The following KPNA5 variants were observed in gnomAD, a reference collection of about 807,000 sequenced individuals.
The protein encoded by KPNA5 is karyopherin subunit alpha 5.
In KPNA5, 46 loss-of-function variants were observed where a neutral mutation model predicts 71.3. The ratio of observed to expected loss-of-function variants is 0.65; its 90% CI spans 0.51 to 0.83. KPNA5 has a LOEUF of 0.83. KPNA5 is among the 40% of genes least tolerant of loss of function. The pLI, the probability that KPNA5 is intolerant of heterozygous loss-of-function variation, is 0.00. For synonymous variants in KPNA5, 207 were observed against 201.4 expected, an observed-to-expected ratio of 1.03 and a Z score of -0.24; for missense variants, 547 against 628.3, an observed-to-expected ratio of 0.87 and a Z score of 1.38.
chr6:116,705,868 A>T (rs1176397293), intron 7 of KPNA5, among the ~76,000 whole-genome samples: 2 of 152,216 alleles, frequency 1.3e-5, no homozygotes, highest in African/African-American at 4.8e-5. Flanking sequence ...GAATAGGAAG[A>T]ATACATTTCT....
In KPNA5 at chr6:116,739,337, T is replaced by A. The variant is rs963112642; in HGVS notation, c.*7014T>A. ...AGGAGAACTACAAACCACTGCTCAA[T>A]GAAATAAAAGAGGATACAAAGAAAT... On this transcript the variant is annotated 3_prime_UTR_variant, in exon 14 of 14. Coordinates refer to ENST00000368564, the MANE Select transcript of KPNA5 (RefSeq NM_001366306.2). 8 of 151,770 alleles carry A rather than the reference T, an allele frequency of 5.3e-5. No homozygotes were observed. The highest frequency in any genetic ancestry group is 1.9e-4 in the African/African-American group (8 of 41,296). 9.4% of individuals were successfully genotyped at this position (151,770 alleles called of 1,614,324 possible). A position where few individuals can be genotyped will look rare whatever the true frequency, so the allele number is the denominator to read the frequency against.
intron 4 of KPNA5, among the ~76,000 whole-genome samples, chr6:116,697,380 T>C (rs1455092609): frequency 6.6e-6 from 1 of 152,066 alleles, no homozygotes. Flanking sequence ...TGCAGAAATT[T>C]TCTAAATTTT....
intron 9 of KPNA5, 87 bp downstream of exon 9, chr6:116,722,376 G>A (rs1361605829): frequency 9.5e-7 from 1 of 1,056,322 alleles, no homozygotes; most frequent in Non-Finnish European, 1.3e-6. Flanking sequence ...TATCTCAAGA[G>A]TCACTGTCTT....
At chr6:116,704,060 CAG>C (rs887922126) in intron 6 of KPNA5, among the ~76,000 whole-genome samples, 29 of 150,190 alleles carry the variant, frequency 1.9e-4, no homozygotes, top group Non-Finnish European at 3.1e-4. Flanking sequence ...TTTTTTGAGA[CAG>C]AGTCTTGCTG....
chr6:116,741,314 T>C lies in KPNA5; in HGVS notation c.*8991T>C, dbSNP rs1456949952. 6.6e-6 allele frequency: 1 copy of C among 152,008 alleles called. No individual in the cohort carries two copies. Among genetic ancestry groups the C allele is most frequent in the Non-Finnish European group, 1.5e-5 (1 of 68,000 alleles). 9.4% of individuals were successfully genotyped at this position (152,008 alleles called of 1,614,324 possible). A position where few individuals can be genotyped will look rare whatever the true frequency, so the allele number is the denominator to read the frequency against. ...TCTGACGATTTTTTTGTGTTTTATATGTTTTTTACATTATTTTGTGCATAG... is the reference window on the plus strand; with the variant it reads ...TCTGACGATTTTTTTGTGTTTTATACGTTTTTTACATTATTTTGTGCATAG... On this transcript the variant is annotated 3_prime_UTR_variant, in exon 14 of 14. Transcript: ENST00000368564.
chr6:116,686,144 A>G (rs1299339791), intron 1 of KPNA5, among the ~76,000 whole-genome samples: 1 of 151,948 alleles, frequency 6.6e-6, no homozygotes, highest in Non-Finnish European at 1.5e-5. Flanking sequence ...AGCTCAAGCA[A>G]TCCTCCTGGC....
At chr6:116,720,564 A>G (rs1370699838) in intron 8 of KPNA5, among the ~76,000 whole-genome samples, 2 of 152,136 alleles carry the variant, frequency 1.3e-5, no homozygotes, top group African/African-American at 4.8e-5. Flanking sequence ...CAAAAACCCG[A>G]TATTTGGCTG....
At chr6:116,685,222 A>G (rs1300403581) in intron 1 of KPNA5, among the ~76,000 whole-genome samples, 3 of 152,180 alleles carry the variant, frequency 2.0e-5, no homozygotes, top group East Asian at 1.9e-4. Context: ...GATGCCAACA[A>G]TGTGGACGAC....
chr6:116,712,189 C>T (rs1022558461), intron 7 of KPNA5, among the ~76,000 whole-genome samples: 3 of 152,184 alleles, frequency 2.0e-5, no homozygotes, highest in Admixed American at 6.5e-5. Context: ...GATCTACCCA[C>T]CTTAGCCTCC....
chr6:116,695,170 C>T (rs1777976048), intron 4 of KPNA5, among the ~76,000 whole-genome samples: 1 of 152,022 alleles, frequency 6.6e-6, no homozygotes, highest in Non-Finnish European at 1.5e-5. Context: ...CTCAAACTCT[C>T]CTCCCACGTT....
In KPNA5 at chr6:116,734,084, T is replaced by C. The variant is rs1339176642; in HGVS notation, c.*1761T>C. The C allele has an allele frequency of 6.6e-6, 1 of 151,612 alleles. No individual in the cohort carries two copies. The highest frequency in any genetic ancestry group is 2.4e-5 in the African/African-American group (1 of 41,372). The allele number at this position is 151,612 out of a possible 1,614,324, so 9.4% of individuals were successfully genotyped here. On this transcript the variant is annotated 3_prime_UTR_variant, in exon 14 of 14. Coordinates refer to ENST00000368564, the MANE Select transcript of KPNA5 (RefSeq NM_001366306.2). ...AGGTATATAGCCGAGTATAAAATGG[T>C]TTTCTTTTGCATTATCTGTATTCAA... is the stretch of plus-strand genomic sequence containing the variant.
At position 116,725,794 on chromosome 6, in the gene KPNA5, T is replaced by C. The variant is rs1252316304; in HGVS notation, c.1043T>C (p.Leu348Ser). ...CSALPCLLHL[L>S]SSPKESIRKE... ...GCATTACCCTGTCTCTTACATTTAT[T>C]GAGTAGCCCAAAGGAGTCAATTAGA... is the stretch of plus-strand genomic sequence containing the variant. Residue 348 changes from leucine to serine, a missense_variant, in exon 11 of 14, where the codon TTG becomes TCG. Transcript: ENST00000368564. 1 of 1,613,302 alleles carries C rather than the reference T, an allele frequency of 6.2e-7. No homozygotes were observed. Among genetic ancestry groups the C allele is most frequent in the Non-Finnish European group, 8.5e-7 (1 of 1,179,514 alleles).
At chr6:116,693,245 A>G (rs1263113112) in intron 4 of KPNA5, among the ~76,000 whole-genome samples, 2 of 152,234 alleles carry the variant, frequency 1.3e-5, no homozygotes, top group African/African-American at 4.8e-5. Flanking sequence ...CTTTGGGTAT[A>G]TACCCAGTAA....
rs187516899 is a variant in KPNA5 at position 116,715,609 on chromosome 6, T to C, written c.657-610T>C. Among the ~76,000 whole-genome samples the C allele has an allele frequency of 3.9e-3, 600 of 152,298 alleles. 15 individuals are homozygous for C. The South Asian group carries it at 0.041, about 10-fold the overall frequency. ...TTCCTTGCTTTCTGAATTCATATATTATTTTCATGATTAAAGAAATTAATC... is the reference window on the plus strand; with the variant it reads ...TTCCTTGCTTTCTGAATTCATATATCATTTTCATGATTAAAGAAATTAATC... On this transcript the variant is annotated intron_variant, in intron 7 of 13. Coordinates refer to ENST00000368564, the MANE Select transcript of KPNA5 (RefSeq NM_001366306.2).
chr6:116,726,548 A>G lies in KPNA5; in HGVS notation c.1179A>G (p.Ala393=). The change falls in exon 12 of 14, where the codon GCA becomes GCG. Residue 393 remains alanine, a synonymous_variant. Transcript: ENST00000368564. ...FPVLIEILQK[A]EFRTRKEAAW... is the part of the protein sequence containing the mutation. ...TTTTGATTGAGATTCTTCAGAAAGCAGAGTTTCGTACCAGAAAAGAAGCAG... is the reference window on the plus strand; with the variant it reads ...TTTTGATTGAGATTCTTCAGAAAGCGGAGTTTCGTACCAGAAAAGAAGCAG... The G allele has an allele frequency of 1.2e-6, 2 of 1,612,498 alleles. No homozygotes were observed. Among genetic ancestry groups the G allele is most frequent in the Non-Finnish European group, 1.7e-6 (2 of 1,179,024 alleles).
At chr6:116,729,119 C>G (rs965625392) in intron 12 of KPNA5, among the ~76,000 whole-genome samples, 1 of 143,586 alleles carries the variant, frequency 7.0e-6, no homozygotes, top group African/African-American at 2.6e-5. Flanking sequence ...TTAGATGTCT[C>G]TTCTTTCTTT....
At chr6:116,681,542 G>C (rs2114336254) in intron 1 of KPNA5, 5 of 1,345,990 alleles carry the variant, frequency 3.7e-6, no homozygotes, top group Non-Finnish European at 4.8e-6. Flanking sequence ...CCTTGCGGAC[G>C]CGAAGGCGTG....
intron 9 of KPNA5, among the ~76,000 whole-genome samples, chr6:116,723,536 T>A (rs1395162793): frequency 6.6e-6 from 1 of 152,134 alleles, no homozygotes; most frequent in Non-Finnish European, 1.5e-5. Context: ...TGGACAGATG[T>A]CAAAAGAACA....
At chr6:116,701,495 T>TA (rs1436970101) in intron 5 of KPNA5, among the ~76,000 whole-genome samples, 3 of 152,220 alleles carry the variant, frequency 2.0e-5, no homozygotes, top group African/African-American at 7.2e-5. Flanking sequence ...GTCCCAGCAC[T>TA]GGCTCTGTTA....
Sources: allele counts gnomAD v4.1 joint callset (sites outside exome capture counted in the v4.1 genomes callset), GRCh38; gene constraint gnomAD v4.1.1; transcripts MANE v1.5; gene names NCBI Gene and HGNC (gene_info 2026-07-23, HGNC 2026-07-21).